The following RGPD8 variants were observed in gnomAD, a reference collection of about 807,000 sequenced individuals.
RGPD8 encodes the protein RANBP2-like and GRIP domain-containing protein 8.
RGPD8 carries 15 observed loss-of-function variants against 89.1 expected under a neutral mutation model. The observed-to-expected ratio is 0.17, with a 90% CI of 0.11 to 0.26. RGPD8 has a LOEUF of 0.26. Among genes scored for constraint, RGPD8 ranks in the 10% least tolerant of loss-of-function variants. The pLI is 1.00. For missense variants in RGPD8, 178 were observed against 1,179.6 expected, an observed-to-expected ratio of 0.15 and a Z score of 12.44; for synonymous variants, 62 against 420.9, an observed-to-expected ratio of 0.15 and a Z score of 10.44.
rs2458943 is a variant in RGPD8 at position 112,432,645 on chromosome 2, C to G, written c.72+737G>C. 1.8e-3 allele frequency: 1,819 copies of G among 984,832 alleles called. 4 individuals are homozygous for G. Among genetic ancestry groups the G allele is most frequent in the Non-Finnish European group, 2.0e-3 (1,630 of 829,652 alleles). The allele number at this position is 984,832 out of a possible 1,614,324, so 61.0% of individuals were successfully genotyped here. A position where few individuals can be genotyped will look rare whatever the true frequency, so the allele number is the denominator to read the frequency against. On this transcript the variant is annotated intron_variant, in intron 1 of 22. Coordinates refer to ENST00000302558, the MANE Select transcript of RGPD8 (RefSeq NM_001164463.1). ...CGGCATATAAAGTAAATGTCCAGGA[C>G]ATGGGAAGAAACCCGCCGATACAGC...
At chr2:112,408,755 T>G (rs1444526349) in intron 7 of RGPD8, among the ~76,000 whole-genome samples, 1 of 150,644 alleles carries the variant, frequency 6.6e-6, no homozygotes, top group Non-Finnish European at 1.5e-5. Flanking sequence ...CACTGCAACC[T>G]CCGCCTCCTG....
At position 112,410,341 on chromosome 2, in the gene RGPD8, A is replaced by G. The variant is rs1344620311; in HGVS notation, c.978+2090T>C. On this transcript the variant is annotated intron_variant, in intron 7 of 22. Transcript: ENST00000302558. ...AACTATCAGTTACTTGAGAATTTCT[A>G]TAAGAACCTTTTAATGTTTGTATTA... 3.4e-5 allele frequency among the ~76,000 whole-genome samples: 5 copies of G among 147,190 alleles called. 1 individual carries two copies. Among genetic ancestry groups the G allele is most frequent in the African/African-American group, 1.3e-4 (5 of 37,210 alleles).
At chr2:112,426,881 G>A (rs1357115133) in intron 1 of RGPD8, among the ~76,000 whole-genome samples, 3 of 146,484 alleles carry the variant, frequency 2.0e-5, no homozygotes, top group South Asian at 2.2e-4. Flanking sequence ...GCTGGAGTGC[G>A]GTGGCTCGAT....
chr2:112,370,359 G>GGGGGTCTTT (rs1249646916), intron 22 of RGPD8, 147 bp from the exon 23 acceptor site: 2 of 100,746 alleles, frequency 2.0e-5, no homozygotes, highest in African/African-American at 1.4e-4. Context: ...GGGGGGGGGG[G>GGGGGTCTTT]TTCTTTTTTT....
intron 1 of RGPD8, chr2:112,432,507 A>C: frequency 1.0e-6 from 1 of 985,306 alleles, no homozygotes; most frequent in Non-Finnish European, 1.2e-6. Flanking sequence ...GGCCATTGCA[A>C]ATGTCCACGC....
chr2:112,429,238 G>A (rs1389424284), intron 1 of RGPD8, among the ~76,000 whole-genome samples: 1 of 151,806 alleles, frequency 6.6e-6, no homozygotes, highest in African/African-American at 2.4e-5. Flanking sequence ...GGCTAACACG[G>A]TGAAACTCCG....
At chr2:112,410,629 T>A (rs1193678988) in intron 7 of RGPD8, among the ~76,000 whole-genome samples, 3 of 149,842 alleles carry the variant, frequency 2.0e-5, no homozygotes, top group Non-Finnish European at 2.9e-5. Flanking sequence ...ATACAAAAAA[T>A]TAGCCAGGCA....
At chr2:112,415,506 T>C (rs1679362678) in intron 6 of RGPD8, among the ~76,000 whole-genome samples, 1 of 151,014 alleles carries the variant, frequency 6.6e-6, no homozygotes, top group African/African-American at 2.5e-5. Flanking sequence ...AGTGACTCCA[T>C]CCCCATGGTC....
intron 3 of RGPD8, among the ~76,000 whole-genome samples, 161 bp from the exon 4 acceptor site, chr2:112,422,273 T>C (rs1679587735): frequency 7.9e-6 from 1 of 126,510 alleles, no homozygotes; most frequent in Non-Finnish European, 1.6e-5. Context: ...AATAAAAGTG[T>C]CTTGGAATTT....
rs766718253 is a variant in RGPD8 at position 112,433,391 on chromosome 2, C to T, written c.63G>A (p.Ser21=). ...YVASVLGLTP[S]PRQKSMKGFY... The stretch of plus-strand genomic sequence containing the variant: ...TTCCAGACCCACTCACCTGTCGAGG[C>T]GACGGGGTGAGACCCAGCACCGAGG... The change falls in exon 1 of 23, where the codon TCG becomes TCA. Residue 21 remains serine (S), a synonymous_variant. Transcript: ENST00000302558. 1.2e-6 allele frequency: 2 copies of T among 1,610,114 alleles called. No individual in the cohort carries two copies. The highest frequency in any genetic ancestry group is 8.5e-7 in the Non-Finnish European group (1 of 1,178,958).
At chr2:112,432,354 G>T (rs886503197) in intron 1 of RGPD8, among the ~76,000 whole-genome samples, 1 of 151,728 alleles carries the variant, frequency 6.6e-6, no homozygotes, top group Non-Finnish European at 1.5e-5. Flanking sequence ...TTAAGCAAAG[G>T]CAGCTACCAA....
At chr2:112,431,921 T>C (rs909101149) in intron 1 of RGPD8, among the ~76,000 whole-genome samples, 1 of 152,252 alleles carries the variant, frequency 6.6e-6, no homozygotes, top group African/African-American at 2.4e-5. Flanking sequence ...ATTACAGGCG[T>C]GAGCCACTGC....
intron 2 of RGPD8, among the ~76,000 whole-genome samples, chr2:112,424,035 C>G (rs1679654485): frequency 6.6e-6 from 1 of 152,166 alleles, no homozygotes; most frequent in Non-Finnish European, 1.5e-5. Flanking sequence ...TGGTATAAAG[C>G]AGCAGCATGC....
intron 7 of RGPD8, among the ~76,000 whole-genome samples, chr2:112,410,420 A>C (rs1223478326): frequency 2.7e-5 from 4 of 150,340 alleles, no homozygotes; most frequent in Non-Finnish European, 5.9e-5. Flanking sequence ...CCTTATGAAC[A>C]CAGAAGTTTC....
At chr2:112,371,263 G>A (rs1383070910) in intron 22 of RGPD8, among the ~76,000 whole-genome samples, 2 of 92,698 alleles carry the variant, frequency 2.2e-5, no homozygotes, top group Admixed American at 1.2e-4. Context: ...GCACAGTTAC[G>A]TACCACCACC....
intron 7 of RGPD8, among the ~76,000 whole-genome samples, chr2:112,409,244 G>A (rs1239147629): frequency 1.2e-5 from 1 of 82,088 alleles, no homozygotes; most frequent in Non-Finnish European, 2.3e-5. Context: ...GAAATATGTG[G>A]TAGTTAATAA....
At chr2:112,428,639 A>G (rs1478645356) in intron 1 of RGPD8, among the ~76,000 whole-genome samples, 1 of 151,598 alleles carries the variant, frequency 6.6e-6, no homozygotes, top group Non-Finnish European at 1.5e-5. Context: ...TGTAGCAAAG[A>G]GGAAGAAAAA....
rs1169771834 is a variant in RGPD8, at chr2:112,413,727, G to A, written c.783-1101C>T. Among the ~76,000 whole-genome samples the A allele has an allele frequency of 4.2e-4, 49 of 118,026 alleles. 1 individual carries two copies. The South Asian group carries it at 0.014, about 34-fold the overall frequency. The allele number at this position is 118,026 out of a possible 152,430, so 77.4% of individuals were successfully genotyped here. A position where few individuals can be genotyped will look rare whatever the true frequency, so the allele number is the denominator to read the frequency against. ...TTTTTTGTTTTTGTTTTTGGAGACA[G>A]AATCTCACTCTGTCACAAGGCTGGA... On this transcript the variant is annotated intron_variant, in intron 6 of 22. Transcript: ENST00000302558.
chr2:112,374,894 C>A (rs1250919896), intron 22 of RGPD8, among the ~76,000 whole-genome samples: 1 of 117,112 alleles, frequency 8.5e-6, no homozygotes, highest in Non-Finnish European at 1.7e-5. Flanking sequence ...AGGAGTTTTG[C>A]TCTTGTTGCT....
Sources: allele counts gnomAD v4.1 joint callset (sites outside exome capture counted in the v4.1 genomes callset), GRCh38; gene constraint gnomAD v4.1.1; transcripts MANE v1.5; gene names NCBI Gene and HGNC (gene_info 2026-07-23, HGNC 2026-07-21).